REXO5: variants seen among roughly 807,000 people sequenced by gnomAD.
The protein encoded by REXO5 is exonuclease NEF-sp.
A neutral mutation model predicts 88.5 loss-of-function variants in REXO5; 48 were observed. The ratio of observed to expected loss-of-function variants is 0.54; its 90% confidence interval spans 0.43 to 0.69. The LOEUF is 0.69. Ranked by LOEUF, REXO5 falls within the 30% of genes least tolerant of loss-of-function variation. REXO5 has a pLI of 0.00. For missense variants in REXO5, 749 were observed against 912.2 expected, an observed-to-expected ratio of 0.82 and a Z score of 2.30; for synonymous variants, 311 against 336.5, an observed-to-expected ratio of 0.92 and a Z score of 0.83.
intron 15 of REXO5, among the ~76,000 whole-genome samples, chr16:20,841,049 T>C (rs2081520155): frequency 6.6e-6 from 1 of 152,198 alleles, no homozygotes; most frequent in Non-Finnish European, 1.5e-5. Context: ...TTGGTTAAGA[T>C]ACAGGAGGAA....
intron 11 of REXO5, among the ~76,000 whole-genome samples, chr16:20,829,192 A>G (rs868621094): frequency 2.0e-4 from 30 of 152,256 alleles, no homozygotes; most frequent in Middle Eastern, 3.4e-3. Context: ...GGGAATACAC[A>G]CTTTTCTGGG....
chr16:20,827,251 T>C, intron 9 of REXO5, 55 bp downstream of exon 9: 7 of 1,610,352 alleles, frequency 4.3e-6, no homozygotes. Flanking sequence ...GTTCCATTTA[T>C]CTCAAATCTA....
At position 20,845,256 on chromosome 16, in the gene REXO5, G is replaced by C; in HGVS notation, c.2124+15G>C. 2.5e-6 allele frequency: 4 copies of C among 1,608,332 alleles called. No individual in the cohort carries two copies. The highest frequency in any genetic ancestry group is 1.3e-5 in the African/African-American group (1 of 74,864). On this transcript the variant is annotated intron_variant, in intron 18 of 19. Coordinates refer to ENST00000261377, the MANE Select transcript of REXO5 (RefSeq NM_030941.3). ...AGGCCTTGCAGGTGAGTGAGTGAAG[G>C]CGTCTTGGAGAAGATGTCAGGAGAG...
rs1026744118 is a variant in REXO5, at chr16:20,830,550, G to A, written c.1159-1606G>A. 1.4e-4 allele frequency among the ~76,000 whole-genome samples: 21 copies of A among 152,068 alleles called. 1 individual carries two copies. The highest frequency in any genetic ancestry group is 1.2e-3 in the Admixed American group (19 of 15,260). ...CTTTGCAACAAGTAAGAACACCAGG[G>A]ATAGTTCCCAAAGCACTATCTCCCC... On this transcript the variant is annotated intron_variant, in intron 11 of 19. Coordinates refer to ENST00000261377, the MANE Select transcript of REXO5 (RefSeq NM_030941.3).
chr16:20,807,843 A>G (rs2080924131), intron 2 of REXO5, among the ~76,000 whole-genome samples: 1 of 151,942 alleles, frequency 6.6e-6, no homozygotes, highest in Non-Finnish European at 1.5e-5. Flanking sequence ...GCCCTCGTGC[A>G]GTTTACATTC....
rs541208271 is a variant in REXO5, at chr16:20,839,719, G to C, written c.1384-36G>C. ...TCCAGGAGCCACAATAGAGTATGAG[G>C]TTCCTACCTTATCCAGGCTGTGCTG... On this transcript the variant is annotated intron_variant, in intron 13 of 19. Coordinates refer to ENST00000261377, the MANE Select transcript of REXO5 (RefSeq NM_030941.3). 4.8e-6 allele frequency: 7 copies of C among 1,452,740 alleles called. No homozygotes were observed. In the Admixed American group the frequency reaches 9.0e-5, roughly 19 times the overall value. 90.0% of individuals were successfully genotyped at this position (1,452,740 alleles called of 1,614,324 possible).
Position 20,816,128 on chromosome 16 carries a change from C to T in REXO5, c.391C>T (p.Pro131Ser). 1 of 1,613,866 alleles carries T rather than the reference C, an allele frequency of 6.2e-7. No individual in the cohort carries two copies. Among genetic ancestry groups the T allele is most frequent in the Non-Finnish European group, 8.5e-7 (1 of 1,179,876 alleles). The change falls in exon 5 of 20, where the codon CCT becomes TCT. Residue 131 changes from proline (P) to serine (S), a missense_variant. Pro to Ser is a moderately conservative substitution (Grantham distance 74, BLOSUM62 -1). Transcript: ENST00000261377. ...RKAFRHKFRLPPPSSDFLADV... is the reference protein window; with the variant it reads ...RKAFRHKFRLSPPSSDFLADV... ...AATATATTTTCAGAAATTCCGCTTG[C>T]CTCCACCATCATCTGATTTTCTAGC...
chr16:20,831,018 G>A (rs370306304), intron 11 of REXO5, among the ~76,000 whole-genome samples: 12 of 127,130 alleles, frequency 9.4e-5, no homozygotes, highest in African/African-American at 1.9e-4. Flanking sequence ...TTTTTGAGAC[G>A]GGGTCTCACT....
intron 5 of REXO5, 65 bp from the exon 6 acceptor site, chr16:20,821,697 G>T (rs542193030): frequency 9.0e-6 from 13 of 1,450,660 alleles, no homozygotes; most frequent in Admixed American, 2.5e-5. Flanking sequence ...TACAACCTTA[G>T]GAGACATTTC....
intron 10 of REXO5, 118 bp downstream of exon 10, chr16:20,827,565 T>C (rs140491422): frequency 1.4e-6 from 1 of 726,702 alleles, no homozygotes; most frequent in East Asian, 2.6e-5. Context: ...GCTTTAAACA[T>C]GTTTTTTTGC....
intron 2 of REXO5, among the ~76,000 whole-genome samples, chr16:20,809,124 A>C (rs1266439167): frequency 6.6e-6 from 1 of 152,152 alleles, no homozygotes; most frequent in East Asian, 1.9e-4. Flanking sequence ...GGAGATTGAC[A>C]ATCACATATT....
At chr16:20,814,384 A>C (rs1249196198) in intron 3 of REXO5, among the ~76,000 whole-genome samples, 2 of 152,096 alleles carry the variant, frequency 1.3e-5, no homozygotes, top group African/African-American at 4.8e-5. Context: ...TTGTAGGCTC[A>C]TACAACCAGG....
rs2080879752 is a variant in REXO5, at chr16:20,806,573, C to G, written c.-135C>G. ...GGAGGGGAGAACCTCTGCTCCCCGCCCGTCTTCTCTTCTGCGTTTCCCGGG... is the reference window on the plus strand; with the variant it reads ...GGAGGGGAGAACCTCTGCTCCCCGCGCGTCTTCTCTTCTGCGTTTCCCGGG... On this transcript the variant is annotated 5_prime_UTR_variant, in exon 1 of 20. Coordinates refer to ENST00000261377, the MANE Select transcript of REXO5 (RefSeq NM_030941.3). 6.8e-7 allele frequency: 1 copy of G among 1,470,438 alleles called. No homozygotes were observed. Among genetic ancestry groups the G allele is most frequent in the Admixed American group, 2.3e-5 (1 of 43,500 alleles). 91.1% of individuals were successfully genotyped at this position (1,470,438 alleles called of 1,614,324 possible).
At chr16:20,809,557 T>C (rs1464535174) in intron 2 of REXO5, among the ~76,000 whole-genome samples, 2 of 152,350 alleles carry the variant, frequency 1.3e-5, no homozygotes, top group African/African-American at 4.8e-5. Flanking sequence ...TGTTTCTTCA[T>C]TGATTAGATT....
upstream of REXO5, chr16:20,806,516 G>T (rs2080877729): frequency 6.5e-7 from 1 of 1,539,858 alleles, no homozygotes; most frequent in Non-Finnish European, 8.7e-7. Context: ...CCGCGAGGCT[G>T]AGGGGCGGTT....
chr16:20,849,304 A>G lies in REXO5; in HGVS notation c.2244-95A>G, dbSNP rs968300635. Reference sequence around the variant, plus strand: ...CCTGCCCTTGCCCCATGGCACACACACATACTTGGAAAAATATCTCCTCTA... The same window carrying G: ...CCTGCCCTTGCCCCATGGCACACACGCATACTTGGAAAAATATCTCCTCTA... On this transcript the variant is annotated intron_variant, in intron 19 of 19. Transcript: ENST00000261377. 1.9e-5 allele frequency: 23 copies of G among 1,210,980 alleles called. No homozygotes were observed. The African/African-American group carries it at 3.5e-4, about 18-fold the overall frequency. The allele number at this position is 1,210,980 out of a possible 1,614,324, so 75.0% of individuals were successfully genotyped here.
chr16:20,816,325 A>ATT, intron 5 of REXO5, 113 bp downstream of exon 5: 8 of 502,702 alleles, frequency 1.6e-5, no homozygotes, highest in African/African-American at 6.0e-5. Context: ...CACAAAAACA[A>ATT]TTTTTTTTTT....
At chr16:20,837,890 C>T (rs570220082) in intron 13 of REXO5, among the ~76,000 whole-genome samples, 11 of 152,040 alleles carry the variant, frequency 7.2e-5, no homozygotes, top group South Asian at 4.1e-4. Context: ...CTCAGCCACC[C>T]AAGTAGCTGG....
At chr16:20,819,439 C>T (rs1054251372) in intron 5 of REXO5, among the ~76,000 whole-genome samples, 6 of 137,026 alleles carry the variant, frequency 4.4e-5, no homozygotes, top group South Asian at 4.7e-4. Context: ...TTCTTTCTTT[C>T]TTTCCTCCTT....
Sources: gnomAD v4.1 joint callset for allele counts (sites outside exome capture counted in the v4.1 genomes callset) on GRCh38, gnomAD v4.1.1 for gene constraint, MANE v1.5 for transcripts, NCBI Gene and HGNC (gene_info 2026-07-23, HGNC 2026-07-21) for gene names.